The following AMMECR1 variants were observed in gnomAD, a reference collection of about 807,000 sequenced individuals.
The protein encoded by AMMECR1 is AMMECR nuclear protein 1.
AMMECR1 carries 3 observed loss-of-function variants against 22.5 expected under a neutral mutation model. That is an observed-to-expected ratio of 0.13 (90% CI 0.06 to 0.35). The LOEUF (loss-of-function observed/expected upper bound fraction) is 0.35. AMMECR1 is among the 10% of genes least tolerant of loss of function. The pLI, the probability that AMMECR1 is intolerant of heterozygous loss-of-function variation, is 1.00. For synonymous variants in AMMECR1, 130 were observed against 116.7 expected (o/e 1.11, Z -0.74); for missense variants, 235 against 278.7 (o/e 0.84, Z 1.12).
intron 2 of AMMECR1, chrX:110,346,832 T>C (rs754353331): frequency 1.2e-5 from 8 of 679,543 alleles, no homozygotes; most frequent in Non-Finnish European, 1.9e-5. Context: ...GGGAAACTTT[T>C]ACGCTGTTGA....
chrX:110,257,224 T>C (rs1213779156), intron 2 of AMMECR1, among the ~76,000 whole-genome samples: 1 of 112,557 alleles, frequency 8.9e-6, no homozygotes, highest in Non-Finnish European at 1.9e-5. Context: ...AAATGAAGAC[T>C]ATCGCAGACA....
intron 3 of AMMECR1, among the ~76,000 whole-genome samples, chrX:110,206,659 T>G (rs1203661849): frequency 2.7e-5 from 3 of 111,889 alleles, no homozygotes; most frequent in Non-Finnish European, 3.8e-5. Context: ...CTTCTGACAG[T>G]TTGGGTCCAC....
At chrX:110,255,748 A>G (rs952351982) in intron 2 of AMMECR1, among the ~76,000 whole-genome samples, 3 of 112,095 alleles carry the variant, frequency 2.7e-5, no homozygotes, top group Non-Finnish European at 5.6e-5. Flanking sequence ...GAAATAAAAA[A>G]AACAGAGTGT....
intron 2 of AMMECR1, among the ~76,000 whole-genome samples, chrX:110,253,431 T>C (rs2067696018): frequency 8.9e-6 from 1 of 112,154 alleles, no homozygotes; most frequent in Non-Finnish European, 1.9e-5. Context: ...TGCAACAGTA[T>C]GAGAGGGTAC....
Position 110,271,642 on chromosome X carries a change from C to CAT in AMMECR1, c.474-7044_474-7043insAT, listed in dbSNP as rs1569394139. On this transcript the variant is annotated intron_variant, in intron 1 of 5. Coordinates refer to ENST00000262844, the MANE Select transcript of AMMECR1 (RefSeq NM_015365.3). Reference sequence around the variant, plus strand: ...GAGACAATCTTATAGTTTTTTAGAGCCCTAAATTAGATGAGAAAGACTACC... The same window carrying CAT: ...GAGACAATCTTATAGTTTTTTAGAGCATCCTAAATTAGATGAGAAAGACTACC... 2.7e-5 allele frequency among the ~76,000 whole-genome samples: 3 copies of CAT among 111,393 alleles called. No individual in the cohort carries two copies. In the East Asian group the frequency reaches 8.4e-4, roughly 31 times the overall value.
chrX:110,264,677 A>G (rs2067758608), intron 1 of AMMECR1, 78 bp from the exon 2 acceptor site: 1 of 818,873 alleles, frequency 1.2e-6, no homozygotes, highest in African/African-American at 2.0e-5. Flanking sequence ...ACTGTCTGCT[A>G]GGTTAGGTGC....
At chrX:110,302,429 A>T (rs1353057884) in intron 1 of AMMECR1, among the ~76,000 whole-genome samples, 3 of 111,938 alleles carry the variant, frequency 2.7e-5, no homozygotes. Flanking sequence ...CAGGACCAGT[A>T]AAGAACTTTG....
intron 2 of AMMECR1, among the ~76,000 whole-genome samples, chrX:110,366,873 C>T (rs2068300502): frequency 8.9e-6 from 1 of 112,227 alleles, no homozygotes; most frequent in Non-Finnish European, 1.9e-5. Context: ...TTCATCCATT[C>T]ATTCTTGAAT....
chrX:110,327,943 T>C (rs778998172), intron 2 of AMMECR1, among the ~76,000 whole-genome samples: 3 of 111,777 alleles, frequency 2.7e-5, no homozygotes, highest in Non-Finnish European at 3.8e-5. Context: ...GAATGATAAC[T>C]GATCCGGATG....
intron 2 of AMMECR1, among the ~76,000 whole-genome samples, chrX:110,256,048 T>C (rs1340346143): frequency 8.9e-6 from 1 of 112,322 alleles, no homozygotes; most frequent in Non-Finnish European, 1.9e-5. Context: ...TGGGGATTCA[T>C]TCTGAGAAAT....
chrX:110,251,871 A>G (rs2067687821), intron 2 of AMMECR1, among the ~76,000 whole-genome samples: 1 of 112,097 alleles, frequency 8.9e-6, no homozygotes, highest in Admixed American at 9.5e-5. Context: ...TTCTTCTCAT[A>G]TTATGAAAAT....
At chrX:110,356,444 C>G (rs1479879805) in intron 2 of AMMECR1, among the ~76,000 whole-genome samples, 1 of 110,705 alleles carries the variant, frequency 9.0e-6, no homozygotes, top group Non-Finnish European at 1.9e-5. Flanking sequence ...TGTGAGCCAC[C>G]ACACTGGCCA....
At chrX:110,389,208 G>GAA (rs2068478129) in intron 2 of AMMECR1, among the ~76,000 whole-genome samples, 1 of 112,674 alleles carries the variant, frequency 8.9e-6, no homozygotes, top group Non-Finnish European at 1.9e-5. Context: ...AGGAAATATA[G>GAA]AATATGCAGT....
At chrX:110,369,075 G>A (rs969293239) in intron 2 of AMMECR1, among the ~76,000 whole-genome samples, 4 of 112,255 alleles carry the variant, frequency 3.6e-5, no homozygotes, top group Non-Finnish European at 7.5e-5. Flanking sequence ...GCTCACGCCT[G>A]TAATCCCAGC....
intron 2 of AMMECR1, among the ~76,000 whole-genome samples, chrX:110,383,556 C>T (rs749250891): frequency 9.0e-6 from 1 of 111,431 alleles, no homozygotes. Flanking sequence ...ACAATCCTGA[C>T]ATACCCTAAA....
intron 2 of AMMECR1, among the ~76,000 whole-genome samples, chrX:110,369,217 A>G (rs1317767860): frequency 3.6e-5 from 4 of 111,120 alleles, no homozygotes; most frequent in Middle Eastern, 4.6e-3. Context: ...CTGTGGTCCC[A>G]GCTACTCGGT....
chrX:110,431,132 C>T (rs986940285), intron 1 of AMMECR1, among the ~76,000 whole-genome samples: 2 of 111,934 alleles, frequency 1.8e-5, no homozygotes, highest in African/African-American at 6.5e-5. Context: ...CTATCTTTGC[C>T]AAGATCAGGA....
intron 1 of AMMECR1, among the ~76,000 whole-genome samples, chrX:110,292,729 T>A (rs772050865): frequency 1.2e-4 from 13 of 112,007 alleles, no homozygotes; most frequent in Admixed American, 5.7e-4. Flanking sequence ...GCACAGAGGA[T>A]TTTTAGGACA....
intron 2 of AMMECR1, among the ~76,000 whole-genome samples, chrX:110,251,525 G>A (rs770515586): frequency 8.9e-6 from 1 of 112,287 alleles, no homozygotes; most frequent in East Asian, 2.8e-4. Flanking sequence ...TTCCTCTCTG[G>A]TGATAAGGAA....
Sources: gnomAD v4.1 joint callset for allele counts (sites outside exome capture counted in the v4.1 genomes callset) on GRCh38, gnomAD v4.1.1 for gene constraint, MANE v1.5 for transcripts, NCBI Gene and HGNC (gene_info 2026-07-23, HGNC 2026-07-21) for gene names.